The following MSRB3 variants were observed in gnomAD, a reference collection of about 807,000 sequenced individuals.
MSRB3 encodes the protein methionine-R-sulfoxide reductase B3.
A neutral mutation model predicts 21.0 loss-of-function variants in MSRB3; 13 were observed. The ratio of observed to expected loss-of-function variants is 0.62; its 90% confidence interval spans 0.40 to 0.98. The LOEUF (loss-of-function observed/expected upper bound fraction) is 0.98, where lower values mean the gene tolerates loss of function less well. Among genes scored for constraint, MSRB3 ranks in the 50% least tolerant of loss-of-function variants. The pLI is 0.00. For synonymous variants in MSRB3, 87 were observed against 88.6 expected (o/e 0.98, Z 0.10); for missense variants, 199 against 230.3 (o/e 0.86, Z 0.88).
intron 1 of MSRB3, among the ~76,000 whole-genome samples, chr12:65,294,372 G>A (rs1393233283): frequency 6.6e-6 from 1 of 152,208 alleles, no homozygotes; most frequent in Admixed American, 6.5e-5. Flanking sequence ...GATGAGTTAG[G>A]AGTTGGCCTT....
At chr12:65,463,105 A>C (rs774210548) in intron 6 of MSRB3, 50 bp from the exon 7 acceptor site, 40 of 1,610,964 alleles carry the variant, frequency 2.5e-5, no homozygotes, top group Middle Eastern at 2.0e-4. Context: ...ATTCCTCTCA[A>C]AGCCTGCTTT....
intron 5 of MSRB3, among the ~76,000 whole-genome samples, chr12:65,372,312 A>G (rs899635139): frequency 1.3e-5 from 2 of 152,156 alleles, no homozygotes; most frequent in African/African-American, 2.4e-5. Context: ...AACTCCAGAA[A>G]TTTTCTATTC....
intron 5 of MSRB3, among the ~76,000 whole-genome samples, chr12:65,405,827 G>T (rs552756123): frequency 1.3e-5 from 2 of 152,146 alleles, no homozygotes; most frequent in African/African-American, 4.8e-5. Flanking sequence ...TTTTCCTGAT[G>T]ATTAGTGATG....
At chr12:65,450,939 G>T (rs1033191322) in intron 5 of MSRB3, among the ~76,000 whole-genome samples, 6 of 152,204 alleles carry the variant, frequency 3.9e-5, no homozygotes, top group Admixed American at 1.3e-4. Flanking sequence ...ATTACTGGGG[G>T]AAGGTCCTTC....
chr12:65,340,013 A>T (rs528718962), intron 4 of MSRB3, among the ~76,000 whole-genome samples: 77 of 152,358 alleles, frequency 5.1e-4, no homozygotes, highest in African/African-American at 1.6e-3. Flanking sequence ...ATACCAAAGT[A>T]CAGGATCAAG....
intron 1 of MSRB3, among the ~76,000 whole-genome samples, chr12:65,298,802 A>T (rs902185421): frequency 1.9e-4 from 29 of 152,162 alleles, no homozygotes; most frequent in Non-Finnish European, 1.5e-4. Context: ...CAAAGTTCTG[A>T]CTTAAAATAT....
intron 5 of MSRB3, among the ~76,000 whole-genome samples, chr12:65,413,050 C>T (rs1007207492): frequency 6.6e-6 from 1 of 152,176 alleles, no homozygotes; most frequent in Admixed American, 6.5e-5. Context: ...TTACAATTCA[C>T]GATGAGATTT....
chr12:65,455,085 A>G (rs940850582), intron 6 of MSRB3, among the ~76,000 whole-genome samples: 3 of 152,198 alleles, frequency 2.0e-5, no homozygotes, highest in African/African-American at 7.2e-5. Flanking sequence ...AGTGATTGCC[A>G]TATGGGCCTC....
chr12:65,388,015 A>T (rs941800482), intron 5 of MSRB3, among the ~76,000 whole-genome samples: 10 of 152,184 alleles, frequency 6.6e-5, no homozygotes, highest in Non-Finnish European at 1.3e-4. Flanking sequence ...GGAATCATCA[A>T]ATTTAGTTAC....
chr12:65,369,338 C>A (rs1172803297), intron 5 of MSRB3, among the ~76,000 whole-genome samples: 1 of 152,134 alleles, frequency 6.6e-6, no homozygotes, highest in Non-Finnish European at 1.5e-5. Context: ...GTGGACAAAG[C>A]ATCCTGAGTG....
chr12:65,459,802 G>A (rs1883243081), intron 6 of MSRB3, among the ~76,000 whole-genome samples: 1 of 152,164 alleles, frequency 6.6e-6, no homozygotes, highest in African/African-American at 2.4e-5. Context: ...TACACTATTT[G>A]TGTTTCTTAT....
intron 2 of MSRB3, among the ~76,000 whole-genome samples, chr12:65,314,730 CAA>C (rs1171423276): frequency 1.3e-5 from 2 of 151,914 alleles, no homozygotes; most frequent in Non-Finnish European, 2.9e-5. Flanking sequence ...CACCTAGTAA[CAA>C]GAGAGTTTAA....
intron 6 of MSRB3, among the ~76,000 whole-genome samples, chr12:65,460,026 A>G (rs1883252466): frequency 6.6e-6 from 1 of 152,232 alleles, no homozygotes; most frequent in South Asian, 2.1e-4. Context: ...GAAGACCAGT[A>G]TATTCAGGTA....
intron 4 of MSRB3, among the ~76,000 whole-genome samples, chr12:65,342,313 A>G (rs1463477746): frequency 6.6e-6 from 1 of 152,006 alleles, no homozygotes; most frequent in Non-Finnish European, 1.5e-5. Context: ...GACAAACCTC[A>G]GAAAAATGGG....
At chr12:65,421,231 T>A (rs1203788335) in intron 5 of MSRB3, among the ~76,000 whole-genome samples, 2 of 150,182 alleles carry the variant, frequency 1.3e-5, no homozygotes, top group East Asian at 1.9e-4. Flanking sequence ...TTGACCTTTT[T>A]TTCATGCTTG....
intron 5 of MSRB3, among the ~76,000 whole-genome samples, chr12:65,433,802 A>G (rs555289252): frequency 1.3e-5 from 2 of 152,008 alleles, no homozygotes; most frequent in African/African-American, 4.8e-5. Context: ...GCATGTCTCC[A>G]AGATTCTCTC....
intron 1 of MSRB3, chr12:65,281,969 C>G (rs1872049079): frequency 1.3e-5 from 2 of 152,196 alleles, no homozygotes; most frequent in Admixed American, 1.3e-4. Context: ...CAAGGATTTA[C>G]TTTGAATATT....
At chr12:65,347,617 A>C (rs1876609428) in intron 4 of MSRB3, among the ~76,000 whole-genome samples, 1 of 152,160 alleles carries the variant, frequency 6.6e-6, no homozygotes, top group Non-Finnish European at 1.5e-5. Flanking sequence ...AACTTCCAAC[A>C]CTATGTTGAA....
intron 5 of MSRB3, among the ~76,000 whole-genome samples, chr12:65,433,667 T>C (rs1881987721): frequency 6.6e-6 from 1 of 151,952 alleles, no homozygotes; most frequent in South Asian, 2.1e-4. Context: ...TTTCCTAGCT[T>C]TCAGGACTGA....
Sources: gnomAD v4.1 joint callset for allele counts (sites outside exome capture counted in the v4.1 genomes callset) on GRCh38, gnomAD v4.1.1 for gene constraint, MANE v1.5 for transcripts, NCBI Gene and HGNC (gene_info 2026-07-23, HGNC 2026-07-21) for gene names.